Variants in LRRC4C observed in about 807,000 individuals in gnomAD.
The protein encoded by LRRC4C is leucine rich repeat containing 4C, also known as leucine-rich repeat-containing protein 4C.
Under a neutral mutation model 33.6 loss-of-function variants are expected in LRRC4C, and 5 were observed. That is an observed-to-expected ratio of 0.15 (90% CI 0.08 to 0.31). LRRC4C has a LOEUF of 0.31. Among genes scored for constraint, LRRC4C ranks in the 10% least tolerant of loss-of-function variants. The pLI, the probability that LRRC4C is intolerant of heterozygous loss-of-function variation, is 1.00. For missense variants in LRRC4C, 560 were observed against 796.7 expected (o/e 0.70, Z 3.58); for synonymous variants, 329 against 302.0 (o/e 1.09, Z -0.93).
chr11:41,332,208 C>G (rs1951317002), intron 1 of LRRC4C, among the ~76,000 whole-genome samples: 1 of 152,050 alleles, frequency 6.6e-6, no homozygotes, highest in African/African-American at 2.4e-5. Context: ...ACTAGATACC[C>G]AATTTGCCTC....
chr11:41,065,305 A>T (rs7115935), intron 1 of LRRC4C, among the ~76,000 whole-genome samples: 25,911 of 151,904 alleles, frequency 0.17, 2,299 homozygotes, highest in East Asian at 0.21. Context: ...GGCAGAATTC[A>T]CCCCAGTGCA....
intron 1 of LRRC4C, among the ~76,000 whole-genome samples, chr11:40,938,725 T>A (rs1446666984): frequency 6.6e-6 from 1 of 152,148 alleles, no homozygotes; most frequent in East Asian, 1.9e-4. Flanking sequence ...ACTCTACCAT[T>A]CTTCTCAGAA....
At chr11:40,455,103 GA>G (rs1363730766) in intron 3 of LRRC4C, among the ~76,000 whole-genome samples, 1 of 152,116 alleles carries the variant, frequency 6.6e-6, no homozygotes, top group East Asian at 1.9e-4. Context: ...GTCCACACTT[GA>G]AAAGAGTAAG....
intron 1 of LRRC4C, among the ~76,000 whole-genome samples, chr11:41,052,449 G>A (rs534945712): frequency 1.3e-5 from 2 of 151,488 alleles, no homozygotes; most frequent in Non-Finnish European, 2.9e-5. Flanking sequence ...CCTAGTTTCT[G>A]CTCATTTCTT....
intron 2 of LRRC4C, among the ~76,000 whole-genome samples, chr11:40,651,765 C>G (rs1275061800): frequency 6.6e-6 from 1 of 152,124 alleles, no homozygotes; most frequent in African/African-American, 2.4e-5. Flanking sequence ...CAATTTTTTT[C>G]TGTTCAATAG....
intron 2 of LRRC4C, among the ~76,000 whole-genome samples, chr11:40,880,593 C>A (rs1048455138): frequency 1.3e-5 from 2 of 148,610 alleles, no homozygotes; most frequent in Admixed American, 6.8e-5. Flanking sequence ...AATTATATTG[C>A]TATAGTATTA....
chr11:40,578,777 T>C (rs1418007592), intron 3 of LRRC4C, among the ~76,000 whole-genome samples: 2 of 152,224 alleles, frequency 1.3e-5, no homozygotes, highest in Non-Finnish European at 2.9e-5. Flanking sequence ...ATTTTACAAA[T>C]ATTACAAACT....
intron 1 of LRRC4C, among the ~76,000 whole-genome samples, chr11:41,037,466 A>G (rs753751116): frequency 6.6e-6 from 1 of 151,896 alleles, no homozygotes; most frequent in Non-Finnish European, 1.5e-5. Flanking sequence ...TGGCCTCCCA[A>G]AGTGTGAGAT....
chr11:40,766,986 G>A (rs1466128795), intron 2 of LRRC4C, among the ~76,000 whole-genome samples: 1 of 151,782 alleles, frequency 6.6e-6, no homozygotes, highest in Non-Finnish European at 1.5e-5. Context: ...AGCATTGAAT[G>A]TAAATGGACT....
intron 1 of LRRC4C, among the ~76,000 whole-genome samples, chr11:41,058,319 G>T (rs530711395): frequency 2.0e-5 from 3 of 152,312 alleles, no homozygotes; most frequent in African/African-American, 7.2e-5. Context: ...CTGCAGCCTC[G>T]CAAAGAGCCA....
intron 1 of LRRC4C, among the ~76,000 whole-genome samples, chr11:41,254,485 AAAG>A (rs1248320585): frequency 2.0e-5 from 3 of 152,102 alleles, no homozygotes; most frequent in African/African-American, 7.2e-5. Flanking sequence ...CTAGTCATCT[AAAG>A]AGAAATACAT....
chr11:40,871,727 A>G (rs1174585461), intron 2 of LRRC4C, among the ~76,000 whole-genome samples: 2 of 152,110 alleles, frequency 1.3e-5, no homozygotes. Context: ...AGCTTCCTTT[A>G]AAAGGACCGT....
intron 1 of LRRC4C, among the ~76,000 whole-genome samples, chr11:41,443,954 T>C (rs1320540255): frequency 6.6e-6 from 1 of 152,084 alleles, no homozygotes; most frequent in Admixed American, 6.6e-5. Context: ...CCTTTTCCTC[T>C]GTTCCCTGAG....
intron 2 of LRRC4C, among the ~76,000 whole-genome samples, chr11:40,762,515 A>C (rs1237731271): frequency 6.6e-6 from 1 of 152,162 alleles, no homozygotes; most frequent in Non-Finnish European, 1.5e-5. Flanking sequence ...GGTGTGGAAT[A>C]GGCACTTTAT....
intron 3 of LRRC4C, among the ~76,000 whole-genome samples, chr11:40,605,656 G>T (rs533535903): frequency 1.2e-4 from 19 of 152,064 alleles, no homozygotes; most frequent in Non-Finnish European, 2.4e-4. Context: ...CAGAATTTTG[G>T]GGTACCTGCC....
intron 1 of LRRC4C, among the ~76,000 whole-genome samples, chr11:41,408,760 A>AAAAACAAACAAAC (rs1555167149): frequency 0.026 from 4,005 of 151,260 alleles, 183 homozygotes; most frequent in African/African-American, 0.093. Context: ...AAAAAAAAAA[A>AAAAACAAACAAAC]AAAAAAACTG....
At chr11:41,104,434 A>G (rs1379364168) in intron 1 of LRRC4C, among the ~76,000 whole-genome samples, 2 of 151,940 alleles carry the variant, frequency 1.3e-5, no homozygotes, top group Non-Finnish European at 2.9e-5. Flanking sequence ...ACCTACTAAG[A>G]AGGCTATAAT....
At chr11:40,298,990 T>TG (rs1944645694) in intron 4 of LRRC4C, among the ~76,000 whole-genome samples, 2 of 152,134 alleles carry the variant, frequency 1.3e-5, no homozygotes, top group Admixed American at 6.5e-5. Flanking sequence ...AGATGAGATT[T>TG]GGGTGGGGAT....
chr11:40,787,765 T>A (rs559557767), intron 2 of LRRC4C, among the ~76,000 whole-genome samples: 4 of 152,310 alleles, frequency 2.6e-5, no homozygotes, highest in African/African-American at 9.6e-5. Flanking sequence ...GCAACAGGGA[T>A]TGGAGCTAGC....
Sources: allele counts gnomAD v4.1 joint callset (sites outside exome capture counted in the v4.1 genomes callset), GRCh38; gene constraint gnomAD v4.1.1; transcripts MANE v1.5; gene names NCBI Gene and HGNC (gene_info 2026-07-23, HGNC 2026-07-21).